The following ST6GAL1 variants were observed in gnomAD, a reference collection of about 807,000 sequenced individuals.
The protein encoded by ST6GAL1 is ST6 beta-galactoside alpha-2,6-sialyltransferase 1.
In ST6GAL1, 20 loss-of-function variants were observed where a neutral mutation model predicts 38.0. That is an observed-to-expected ratio of 0.53 (90% CI 0.37 to 0.77). The LOEUF (loss-of-function observed/expected upper bound fraction) is 0.77. Ranked by LOEUF, ST6GAL1 falls within the 30% of genes least tolerant of loss-of-function variation. ST6GAL1 has a pLI of 0.00. For missense variants in ST6GAL1, 432 were observed against 496.4 expected (o/e 0.87, Z 1.23); for synonymous variants, 196 against 188.2 (o/e 1.04, Z -0.34).
At chr3:187,047,370 G>A (rs557173911) in intron 4 of ST6GAL1, among the ~76,000 whole-genome samples, 3 of 151,982 alleles carry the variant, frequency 2.0e-5, no homozygotes, top group East Asian at 1.9e-4. Context: ...ATATAAAAGC[G>A]TTTGGTGATA....
At chr3:187,063,617 C>T (rs565925881) in intron 5 of ST6GAL1, among the ~76,000 whole-genome samples, 1 of 152,294 alleles carries the variant, frequency 6.6e-6, no homozygotes, top group South Asian at 2.1e-4. Context: ...GGAGCCCTCC[C>T]TGAGCACTCT....
At chr3:187,059,617 C>T (rs1015416392) in intron 5 of ST6GAL1, among the ~76,000 whole-genome samples, 1 of 152,200 alleles carries the variant, frequency 6.6e-6, no homozygotes, top group African/African-American at 2.4e-5. Context: ...GAAGGATCAT[C>T]AAGTTACTTC....
chr3:187,065,993 A>C (rs763632967), intron 5 of ST6GAL1, among the ~76,000 whole-genome samples: 1 of 152,060 alleles, frequency 6.6e-6, no homozygotes, highest in Non-Finnish European at 1.5e-5. Context: ...GTTTGCCACC[A>C]GCACTTTAAA....
intron 1 of ST6GAL1, among the ~76,000 whole-genome samples, chr3:186,958,176 A>G (rs1440039789): frequency 6.6e-6 from 1 of 152,230 alleles, no homozygotes; most frequent in East Asian, 1.9e-4. Flanking sequence ...AGACAAACAA[A>G]TGAGGTAATA....
chr3:187,072,780 A>T, intron 5 of ST6GAL1, 69 bp from the exon 6 acceptor site: 1 of 1,359,444 alleles, frequency 7.4e-7, no homozygotes, highest in Non-Finnish European at 1.1e-6. Flanking sequence ...GTGCTATGTC[A>T]GCTATTACTT....
At chr3:186,941,967 A>C (rs1226250709) in intron 1 of ST6GAL1, among the ~76,000 whole-genome samples, 2 of 151,902 alleles carry the variant, frequency 1.3e-5, no homozygotes, top group Middle Eastern at 3.4e-3. Context: ...AGCCGAGATC[A>C]TGCCACTGCA....
intron 2 of ST6GAL1, among the ~76,000 whole-genome samples, chr3:187,003,478 A>G (rs1041817375): frequency 1.3e-5 from 2 of 149,152 alleles, no homozygotes; most frequent in Non-Finnish European, 3.0e-5. Flanking sequence ...TTGGGGGAAA[A>G]TTGACATTTT....
chr3:186,934,534 C>G (rs62292576), intron 1 of ST6GAL1, among the ~76,000 whole-genome samples: 33,603 of 151,644 alleles, frequency 0.22, 4,036 homozygotes, highest in Non-Finnish European at 0.29. Flanking sequence ...TGTACTCCAG[C>G]CTGGGGACAT....
chr3:187,018,423 A>T (rs1717189274), intron 2 of ST6GAL1, among the ~76,000 whole-genome samples: 1 of 152,154 alleles, frequency 6.6e-6, no homozygotes, highest in African/African-American at 2.4e-5. Flanking sequence ...ATTGACTCAC[A>T]CGGTCATGGA....
intron 4 of ST6GAL1, among the ~76,000 whole-genome samples, chr3:187,049,156 A>G (rs527798637): frequency 1.9e-4 from 29 of 152,142 alleles, no homozygotes; most frequent in Admixed American, 4.6e-4. Context: ...CTCCCAAAGT[A>G]CTGGGATTAC....
At chr3:187,031,555 C>A (rs955485609) in intron 2 of ST6GAL1, among the ~76,000 whole-genome samples, 1 of 152,054 alleles carries the variant, frequency 6.6e-6, no homozygotes, top group African/African-American at 2.4e-5. Context: ...CCTACATCAG[C>A]CTCCCGAGTA....
chr3:187,034,673 A>T (rs748798610), intron 2 of ST6GAL1, among the ~76,000 whole-genome samples: 1 of 152,218 alleles, frequency 6.6e-6, no homozygotes, highest in Non-Finnish European at 1.5e-5. Flanking sequence ...ATCTCAATAG[A>T]TGCAGAAAAA....
Position 186,972,228 on chromosome 3 carries a change from G to A in ST6GAL1, c.-183+8302G>A, listed in dbSNP as rs1579283749. Reference sequence around the variant, plus strand: ...TCTGTCCTCTTAGTCATTATGCTATGCTACCTGCTACTTTCTTACTTTCTT... The same window carrying A: ...TCTGTCCTCTTAGTCATTATGCTATACTACCTGCTACTTTCTTACTTTCTT... On this transcript the variant is annotated intron_variant, in intron 2 of 7. Coordinates refer to ENST00000169298, the MANE Select transcript of ST6GAL1 (RefSeq NM_173216.2). 2.0e-5 allele frequency among the ~76,000 whole-genome samples: 3 copies of A among 151,792 alleles called. No individual in the cohort carries two copies. The East Asian group carries it at 5.8e-4, about 29-fold the overall frequency.
chr3:186,933,892 A>T (rs1484950570), intron 1 of ST6GAL1, among the ~76,000 whole-genome samples: 1 of 152,242 alleles, frequency 6.6e-6, no homozygotes. Flanking sequence ...CAGGGATCCC[A>T]GTAGTAGGTA....
intron 5 of ST6GAL1, chr3:187,072,407 G>T (rs539338598): frequency 1.7e-5 from 4 of 239,906 alleles, no homozygotes; most frequent in African/African-American, 6.8e-5. Context: ...TCGTGAGAGA[G>T]CCTATGTCAG....
intron 5 of ST6GAL1, among the ~76,000 whole-genome samples, chr3:187,064,942 C>A (rs1366728981): frequency 6.6e-6 from 1 of 152,004 alleles, no homozygotes; most frequent in Non-Finnish European, 1.5e-5. Context: ...TAGAATTCTG[C>A]CTCTGAGTGG....
At chr3:186,994,699 T>TTTG (rs1716304244) in intron 2 of ST6GAL1, among the ~76,000 whole-genome samples, 1 of 152,146 alleles carries the variant, frequency 6.6e-6, no homozygotes, top group Admixed American at 6.5e-5. Context: ...GACTCACACC[T>TTTG]GTAATCTCAG....
At chr3:187,034,369 A>C (rs1207020948) in intron 2 of ST6GAL1, among the ~76,000 whole-genome samples, 1 of 152,162 alleles carries the variant, frequency 6.6e-6, no homozygotes, top group African/African-American at 2.4e-5. Flanking sequence ...TATTCCAAAA[A>C]AGTGAGGCAG....
rs114475862 is a variant in ST6GAL1, at chr3:186,971,962, C to T, written c.-183+8036C>T. Among the ~76,000 whole-genome samples, 1,506 of 152,322 alleles carry T rather than the reference C, an allele frequency of 9.9e-3. 23 individuals are homozygous for T. Among genetic ancestry groups the T allele is most frequent in the African/African-American group, 0.035 (1,452 of 41,572 alleles). On this transcript the variant is annotated intron_variant, in intron 2 of 7. Transcript: ENST00000169298. ...CAGCATCTTCTACTCTTTCCTCTTA[C>T]AGATGGAGAGGCAACTTCAATGCAC...
Sources: gnomAD v4.1 joint callset for allele counts (sites outside exome capture counted in the v4.1 genomes callset) on GRCh38, gnomAD v4.1.1 for gene constraint, MANE v1.5 for transcripts, NCBI Gene and HGNC (gene_info 2026-07-23, HGNC 2026-07-21) for gene names.